AGMO: variants seen among roughly 807,000 people sequenced by gnomAD.
AGMO encodes glyceryl-ether monooxygenase.
Under a neutral mutation model 60.2 loss-of-function variants are expected in AGMO, and 75 were observed. The observed-to-expected ratio is 1.25, with a 90% CI of 1.03 to 1.51. The LOEUF is 1.51. Ranked by LOEUF, AGMO falls within the 40% of genes most tolerant of loss-of-function variation. AGMO has a pLI of 0.00. For missense variants in AGMO, 763 were observed against 525.5 expected, an observed-to-expected ratio of 1.45 and a Z score of -4.42; for synonymous variants, 261 against 177.1, an observed-to-expected ratio of 1.47 and a Z score of -3.76.
chr7:15,360,668 G>A (rs1374312543), intron 12 of AGMO, among the ~76,000 whole-genome samples: 2 of 151,880 alleles, frequency 1.3e-5, no homozygotes, highest in Non-Finnish European at 2.9e-5. Context: ...GAGGTGTAAG[G>A]GGAGGCCGGA....
intron 3 of AGMO, among the ~76,000 whole-genome samples, chr7:15,543,595 T>C (rs979713150): frequency 1.3e-5 from 2 of 152,140 alleles, no homozygotes; most frequent in African/African-American, 4.8e-5. Flanking sequence ...AATTCCACAC[T>C]GTTGCAGGGT....
chr7:15,430,092 G>A (rs897613830), intron 4 of AGMO, among the ~76,000 whole-genome samples: 12 of 151,922 alleles, frequency 7.9e-5, no homozygotes, highest in Non-Finnish European at 1.6e-4. Flanking sequence ...TTCTGTGTAT[G>A]AAGGCTGTTG....
intron 2 of AGMO, among the ~76,000 whole-genome samples, chr7:15,548,266 C>A (rs1261743169): frequency 6.6e-6 from 1 of 152,116 alleles, no homozygotes; most frequent in African/African-American, 2.4e-5. Flanking sequence ...CACCTCTCCT[C>A]CTCCAAAGGA....
At chr7:15,150,691 G>A in the AGMO span, among the ~76,000 whole-genome samples, 15 of 152,208 alleles carry the variant, frequency 9.9e-5, no homozygotes, top group African/African-American at 3.4e-4. Flanking sequence ...ATGTACAGCT[G>A]GATTTGATTG....
At chr7:15,233,450 T>C (rs566093430) in intron 12 of AGMO, among the ~76,000 whole-genome samples, 1 of 152,024 alleles carries the variant, frequency 6.6e-6, no homozygotes, top group Non-Finnish European at 1.5e-5. Flanking sequence ...GGGATTCGAA[T>C]ACGGAGAAGC....
At position 15,376,421 on chromosome 7, in the gene AGMO, C is replaced by T. The variant is rs570295256; in HGVS notation, c.1074+9025G>A. ...CAGCAGCTTTATTAAAAAACGCCAA[C>T]ATGAAAATATTAGTTACAAAATTGT... On this transcript the variant is annotated intron_variant, in intron 10 of 12. Transcript: ENST00000342526. 6.3e-4 allele frequency among the ~76,000 whole-genome samples: 96 copies of T among 152,028 alleles called. 1 individual carries two copies. The highest frequency in any genetic ancestry group is 2.0e-3 in the African/African-American group (82 of 41,418).
rs564764515 is a variant in AGMO, at chr7:15,253,835, T to C, written c.1264-52476A>G. On this transcript the variant is annotated intron_variant, in intron 12 of 12. Transcript: ENST00000342526. ...GTAACACCGTAGTCATTGACAAGCC[T>C]CTTCCCATCTCCTTCTCTCGTCTAT... 6.6e-5 allele frequency among the ~76,000 whole-genome samples: 10 copies of C among 152,284 alleles called. No individual in the cohort carries two copies. The East Asian group carries it at 1.9e-3, about 29-fold the overall frequency.
chr7:15,551,128 T>TA (rs1269316641), intron 2 of AGMO, among the ~76,000 whole-genome samples: 3 of 152,214 alleles, frequency 2.0e-5, no homozygotes, highest in Admixed American at 1.3e-4. Context: ...TCCTTCATGC[T>TA]AAAAGCTCTC....
intron 3 of AGMO, among the ~76,000 whole-genome samples, chr7:15,449,030 G>A (rs12113125): frequency 0.059 from 8,949 of 152,154 alleles, 852 homozygotes; most frequent in African/African-American, 0.2. Flanking sequence ...TCTTTCCGGA[G>A]TTATGATACA....
chr7:15,300,846 C>T (rs980952422), intron 12 of AGMO, among the ~76,000 whole-genome samples: 2 of 152,132 alleles, frequency 1.3e-5, no homozygotes, highest in Non-Finnish European at 2.9e-5. Flanking sequence ...ACAGCAAGCA[C>T]TCTCTCCATG....
intron 3 of AGMO, among the ~76,000 whole-genome samples, chr7:15,525,509 C>A (rs1784104636): frequency 6.6e-6 from 1 of 152,044 alleles, no homozygotes; most frequent in African/African-American, 2.4e-5. Flanking sequence ...ATTCTGAGCC[C>A]GTAAAAGCCC....
intron 12 of AGMO, among the ~76,000 whole-genome samples, chr7:15,246,549 G>C (rs571130709): frequency 6.6e-6 from 1 of 152,058 alleles, no homozygotes; most frequent in South Asian, 2.1e-4. Context: ...TCAAATTCTT[G>C]TAGCCCCAAA....
chr7:15,513,314 T>C (rs1404214720), intron 3 of AGMO, among the ~76,000 whole-genome samples: 4 of 152,226 alleles, frequency 2.6e-5, no homozygotes, highest in Non-Finnish European at 5.9e-5. Context: ...ATGTTGTGGA[T>C]ACACCTGGCA....
chr7:15,315,273 T>C (rs779617464), intron 12 of AGMO, among the ~76,000 whole-genome samples: 1 of 151,516 alleles, frequency 6.6e-6, no homozygotes, highest in Non-Finnish European at 1.5e-5. Context: ...AACAAAATTT[T>C]TAAGTATGAT....
chr7:15,263,128 C>T (rs914902698), intron 12 of AGMO, among the ~76,000 whole-genome samples: 1 of 151,836 alleles, frequency 6.6e-6, no homozygotes, highest in African/African-American at 2.4e-5. Flanking sequence ...AAATAAACAG[C>T]AGAGTTAACA....
chr7:15,483,985 G>A (rs1263614128), intron 3 of AGMO, among the ~76,000 whole-genome samples: 1 of 152,128 alleles, frequency 6.6e-6, no homozygotes, highest in African/African-American at 2.4e-5. Context: ...ATGCTTCAAT[G>A]AACGTTCCAA....
the AGMO span, among the ~76,000 whole-genome samples, chr7:15,178,476 G>C: frequency 1.3e-4 from 20 of 152,114 alleles, no homozygotes; most frequent in African/African-American, 4.6e-4. Context: ...GTGGTGATGT[G>C]TCTGGTTGTA....
chr7:15,401,889 T>C (rs1270915516), intron 5 of AGMO, among the ~76,000 whole-genome samples: 1 of 152,120 alleles, frequency 6.6e-6, no homozygotes, highest in African/African-American at 2.4e-5. Context: ...AATAGATGTC[T>C]GCATTTTGAT....
chr7:15,170,579 T>C, the AGMO span, among the ~76,000 whole-genome samples: 1 of 152,182 alleles, frequency 6.6e-6, no homozygotes, highest in Non-Finnish European at 1.5e-5. Flanking sequence ...AAAATTTTAA[T>C]TAGTTTAAAT....
Sources: gnomAD v4.1 joint callset for allele counts (sites outside exome capture counted in the v4.1 genomes callset) on GRCh38, gnomAD v4.1.1 for gene constraint, MANE v1.5 for transcripts, NCBI Gene and HGNC (gene_info 2026-07-23, HGNC 2026-07-21) for gene names.